Variants in COL18A1 observed in about 807,000 individuals in gnomAD.
The protein encoded by COL18A1 is collagen type XVIII alpha 1 chain, also known as collagen alpha-1(XVIII) chain.
Under a neutral mutation model 168.0 loss-of-function variants are expected in COL18A1, and 133 were observed. The ratio of observed to expected loss-of-function variants is 0.79; its 90% CI spans 0.69 to 0.91. The LOEUF (loss-of-function observed/expected upper bound fraction) is 0.91. Among genes scored for constraint, COL18A1 ranks in the 40% least tolerant of loss-of-function variants. The probability of loss-of-function intolerance (pLI) is 0.00; values close to 1 mark genes in which losing one functional copy is unlikely to be tolerated. For synonymous variants in COL18A1, 949 were observed against 809.0 expected, an observed-to-expected ratio of 1.17 and a Z score of -2.94; for missense variants, 2,126 against 1,925.4, an observed-to-expected ratio of 1.10 and a Z score of -1.95.
At chr21:45,480,918 C>T in intron 13 of COL18A1, 60 bp downstream of exon 13, 3 of 1,554,422 alleles carry the variant, frequency 1.9e-6, no homozygotes, top group Middle Eastern at 1.9e-4. Context: ...GAGGGGTGAA[C>T]ACCCCACATG....
intron 22 of COL18A1, 26 bp from the exon 23 acceptor site, chr21:45,492,509 C>T (rs745711058): frequency 7.3e-5 from 118 of 1,613,470 alleles, no homozygotes; most frequent in Non-Finnish European, 8.9e-5. Flanking sequence ...TCTTTGTTTC[C>T]GATTTTTCCT....
At chr21:45,505,741 G>A (rs1252690081) in intron 36 of COL18A1, 97 bp from the exon 37 acceptor site, 3 of 1,027,016 alleles carry the variant, frequency 2.9e-6, no homozygotes, top group Non-Finnish European at 4.4e-6. Flanking sequence ...AAGCCCTGCG[G>A]CCCCTGCCCA....
At chr21:45,475,368 G>A in intron 4 of COL18A1, 108 bp from the exon 5 acceptor site, 1 of 1,011,978 alleles carries the variant, frequency 9.9e-7, no homozygotes, top group Non-Finnish European at 1.5e-6. Context: ...CGAGGCGAGA[G>A]GGGGCCTGGA....
chr21:45,427,828 C>T (rs2033850298), intron 2 of COL18A1, among the ~76,000 whole-genome samples: 1 of 152,148 alleles, frequency 6.6e-6, no homozygotes, highest in South Asian at 2.1e-4. Flanking sequence ...GGAAGGGGGG[C>T]GAGGCCTCGG....
intron 2 of COL18A1, among the ~76,000 whole-genome samples, chr21:45,461,516 G>GC (rs1161772780): frequency 6.6e-6 from 1 of 152,096 alleles, no homozygotes; most frequent in African/African-American, 2.4e-5. Flanking sequence ...GTCTCCTGGT[G>GC]CCCCCCTGCA....
At chr21:45,500,487 T>TG (rs1301372830) in intron 32 of COL18A1, among the ~76,000 whole-genome samples, 1 of 62,342 alleles carries the variant, frequency 1.6e-5, no homozygotes, top group Admixed American at 1.7e-4. Flanking sequence ...GTTTGGTGTG[T>TG]TGCGTGTGTA....
chr21:45,509,636 T>G, intron 39 of COL18A1, 35 bp downstream of exon 39: 2 of 1,135,350 alleles, frequency 1.8e-6, no homozygotes, highest in Non-Finnish European at 2.6e-6. Flanking sequence ...TGGCTCCATC[T>G]AGCCCCTCGG....
At chr21:45,449,844 G>A (rs1026297247) in intron 2 of COL18A1, among the ~76,000 whole-genome samples, 6 of 149,824 alleles carry the variant, frequency 4.0e-5, no homozygotes, top group African/African-American at 1.5e-4. Context: ...AGAGGTCCCG[G>A]CCAAGCAGCA....
chr21:45,484,401 A>ACACACACACATCTCCAGCATGTGTGTG (rs2036027580), intron 15 of COL18A1, among the ~76,000 whole-genome samples: 1 of 63,440 alleles, frequency 1.6e-5, no homozygotes, highest in Admixed American at 1.5e-4. Flanking sequence ...ATGTGTGTAC[A>ACACACACACATCTCCAGCATGTGTGTG]CACACACACA....
intron 40 of COL18A1, among the ~76,000 whole-genome samples, chr21:45,510,824 G>A (rs920139429): frequency 3.3e-5 from 5 of 152,164 alleles, no homozygotes; most frequent in African/African-American, 9.7e-5. Context: ...AGGGTCCCCT[G>A]CCTTAGCCAA....
intron 2 of COL18A1, among the ~76,000 whole-genome samples, chr21:45,454,653 C>T (rs1364339011): frequency 6.6e-6 from 1 of 152,214 alleles, no homozygotes; most frequent in Non-Finnish European, 1.5e-5. Context: ...CCAGGCTGCA[C>T]ACAGGTCCTC....
In COL18A1 at chr21:45,423,937, C is replaced by G. The variant is rs1360141551; in HGVS notation, c.106+18464C>G. ...CCTGTTGGGCATTTGGATTTGGAAT[C>G]TGAGGCTGTAGGAGCAGCTGCCTCC... On this transcript the variant is annotated intron_variant, in intron 2 of 41. Transcript: ENST00000651438. This position sits in a 1 kb window ranked among gnomAD's most constrained non-coding sequence, Gnocchi z 4.0. The G allele has an allele frequency of 6.6e-6, 1 of 152,332 alleles. No individual in the cohort carries two copies. The highest frequency in any genetic ancestry group is 1.5e-5 in the Non-Finnish European group (1 of 68,118). The allele number at this position is 152,332 out of a possible 1,614,324, so 9.4% of individuals were successfully genotyped here.
chr21:45,480,329 TG>T, intron 11 of COL18A1, 137 bp from the exon 12 acceptor site: 1 of 1,512,080 alleles, frequency 6.6e-7, no homozygotes. Context: ...CAGGCTTCTC[TG>T]GGGGCAGCAG....
intron 39 of COL18A1, 55 bp from the exon 40 acceptor site, chr21:45,510,009 C>T: frequency 2.0e-6 from 3 of 1,525,712 alleles, no homozygotes; most frequent in Non-Finnish European, 2.6e-6. Context: ...CGCCCGGGGC[C>T]TGGGTGCAGG....
At chr21:45,477,635 C>T (rs901205509) in intron 7 of COL18A1, 115 bp from the exon 8 acceptor site, 68 of 1,261,372 alleles carry the variant, frequency 5.4e-5, no homozygotes, top group Middle Eastern at 1.8e-4. Flanking sequence ...GTCCACCCTG[C>T]GTGTCCACTG....
chr21:45,479,356 CGT>C (rs1332632685), intron 9 of COL18A1, among the ~76,000 whole-genome samples: 3 of 147,602 alleles, frequency 2.0e-5, no homozygotes, highest in South Asian at 2.1e-4. Flanking sequence ...ACTACACACA[CGT>C]GTGTGCACAC....
intron 2 of COL18A1, chr21:45,467,355 C>T: frequency 1.0e-6 from 1 of 985,406 alleles, no homozygotes; most frequent in Non-Finnish European, 1.2e-6. Context: ...TGGAGTGAGT[C>T]ACCCGGCGCT....
At chr21:45,446,851 G>A (rs1180287551) in intron 2 of COL18A1, among the ~76,000 whole-genome samples, 1 of 152,168 alleles carries the variant, frequency 6.6e-6, no homozygotes, top group African/African-American at 2.4e-5. Flanking sequence ...TTTAACACTT[G>A]AAAATCAATG....
chr21:45,477,025 C>T (rs1460919849), intron 6 of COL18A1, among the ~76,000 whole-genome samples: 1 of 151,766 alleles, frequency 6.6e-6, no homozygotes, highest in Non-Finnish European at 1.5e-5. Context: ...GCTTCTCTTG[C>T]AGGATTTCTG....
Sources: allele counts gnomAD v4.1 joint callset (sites outside exome capture counted in the v4.1 genomes callset), GRCh38; gene constraint gnomAD v4.1.1; non-coding constraint Gnocchi (gnomAD v3.1); transcripts MANE v1.5; gene names NCBI Gene and HGNC (gene_info 2026-07-23, HGNC 2026-07-21).